The following PLA2R1 variants were observed in gnomAD, a reference collection of about 807,000 sequenced individuals.
PLA2R1 encodes secretory phospholipase A2 receptor.
In PLA2R1, 158 loss-of-function variants were observed where a neutral mutation model predicts 195.9. That is an observed-to-expected ratio of 0.81 (90% CI 0.71 to 0.92). The LOEUF is 0.92. Among genes scored for constraint, PLA2R1 ranks in the 40% least tolerant of loss-of-function variants. The pLI is 0.00. For missense variants in PLA2R1, 1,626 were observed against 1,764.6 expected (o/e 0.92, Z 1.41); for synonymous variants, 586 against 598.2 (o/e 0.98, Z 0.30).
chr2:159,948,304 A>G (rs1040730959), intron 25 of PLA2R1, among the ~76,000 whole-genome samples: 3 of 152,178 alleles, frequency 2.0e-5, no homozygotes, highest in African/African-American at 7.2e-5. Context: ...GCACAATCAC[A>G]GCTCACTGCA....
At chr2:159,995,984 ATCATCTATCTG>A (rs940809408) in intron 11 of PLA2R1, among the ~76,000 whole-genome samples, 1 of 152,046 alleles carries the variant, frequency 6.6e-6, no homozygotes, top group Non-Finnish European at 1.5e-5. Context: ...AAGCAAATCT[ATCATCTATCTG>A]TCATCTATCT....
chr2:159,997,024 T>C (rs1691258951), intron 11 of PLA2R1, among the ~76,000 whole-genome samples: 1 of 152,218 alleles, frequency 6.6e-6, no homozygotes, highest in African/African-American at 2.4e-5. Context: ...CTGTCATAGC[T>C]GACTGGCTCT....
intron 2 of PLA2R1, among the ~76,000 whole-genome samples, chr2:160,042,791 GTGTGTGTGCGT>G (rs1409889137): frequency 2.5e-5 from 2 of 81,036 alleles, no homozygotes; most frequent in East Asian, 1.4e-3. Context: ...AGAGTGGGGT[GTGTGTGTGCGT>G]GTGTGTGTGT....
At chr2:159,925,108 C>T in the PLA2R1 span, among the ~76,000 whole-genome samples, 5 of 152,194 alleles carry the variant, frequency 3.3e-5, no homozygotes, top group African/African-American at 1.2e-4. Flanking sequence ...TTCTCCATGT[C>T]AGCAATGAAT....
intron 20 of PLA2R1, 111 bp from the exon 21 acceptor site, chr2:159,956,738 G>T (rs3749113): frequency 3.0e-6 from 2 of 674,452 alleles, no homozygotes; most frequent in East Asian, 2.7e-5. Context: ...AATTTTCTTG[G>T]GCAGAAAGAA....
chr2:160,029,313 C>A (rs1327130429), intron 4 of PLA2R1, among the ~76,000 whole-genome samples: 1 of 152,150 alleles, frequency 6.6e-6, no homozygotes, highest in Non-Finnish European at 1.5e-5. Flanking sequence ...AAGAGGTGTG[C>A]AGGGTCAGTC....
Position 159,976,769 on chromosome 2 carries a change from AT to A in PLA2R1, c.2402-50del, listed in dbSNP as rs749142599. The A allele has an allele frequency of 7.6e-6, 11 of 1,446,894 alleles. No homozygotes were observed. In the South Asian group the frequency reaches 1.3e-4, roughly 17 times the overall value. 89.6% of individuals were successfully genotyped at this position (1,446,894 alleles called of 1,614,324 possible). A position where few individuals can be genotyped will look rare whatever the true frequency, so the allele number is the denominator to read the frequency against. On this transcript the variant is annotated intron_variant, in intron 15 of 29. Coordinates refer to ENST00000283243, the MANE Select transcript of PLA2R1 (RefSeq NM_007366.5). Reference sequence around the variant, plus strand: ...TTGACTGATCTTGCTTCTCAAGTGCATTGTCTGTGAATTACTTCAGCTCTAA... The same window carrying A: ...TTGACTGATCTTGCTTCTCAAGTGCATGTCTGTGAATTACTTCAGCTCTAA...
chr2:160,013,354 A>G lies in PLA2R1; in HGVS notation c.1573T>C (p.Phe525Leu). The G allele has an allele frequency of 6.2e-7, 1 of 1,605,156 alleles. No homozygotes were observed. The highest frequency in any genetic ancestry group is 1.3e-5 in the African/African-American group (1 of 74,884). Residue 525 changes from phenylalanine to leucine, a missense_variant, in exon 10 of 30, where the codon TTC (phenylalanine) becomes CTC (leucine). Transcript: ENST00000283243. ...CQEGWERHGG[F>L]CYKIDTVLRS... ...AGGACTGTGTCAATTTTGTAACAGAATCCACCATGTCTCTCCCATCCCTTA... is the reference window on the plus strand; with the variant it reads ...AGGACTGTGTCAATTTTGTAACAGAGTCCACCATGTCTCTCCCATCCCTTA...
In PLA2R1 at chr2:159,955,801, T is replaced by C; in HGVS notation, c.3050A>G (p.Gln1017Arg). 6.3e-7 allele frequency: 1 copy of C among 1,598,838 alleles called. No individual in the cohort carries two copies. The highest frequency in any genetic ancestry group is 8.5e-7 in the Non-Finnish European group (1 of 1,170,330). ...TAAACCTATCCACACACTGGTGGTC[T>C]GGCCAAAAAGATTCATAGTAATGAA... ...QAFITMNLFG[Q>R]TTSVWIGLQN... Residue 1017 changes from glutamine to arginine, a missense_variant, in exon 22 of 30, where the codon CAG becomes CGG. Coordinates refer to ENST00000283243, the MANE Select transcript of PLA2R1 (RefSeq NM_007366.5).
intron 11 of PLA2R1, among the ~76,000 whole-genome samples, chr2:159,993,670 A>G (rs1003756112): frequency 6.6e-6 from 1 of 152,048 alleles, no homozygotes; most frequent in Non-Finnish European, 1.5e-5. Flanking sequence ...CAAGGACACT[A>G]TCAAAGACTA....
chr2:160,027,498 T>C (rs1401400100), intron 6 of PLA2R1, among the ~76,000 whole-genome samples: 1 of 152,210 alleles, frequency 6.6e-6, no homozygotes, highest in Non-Finnish European at 1.5e-5. Flanking sequence ...GGCTTAGCTA[T>C]TTAAAGGAAA....
intron 11 of PLA2R1, among the ~76,000 whole-genome samples, chr2:159,991,987 G>A (rs1304480797): frequency 1.6e-5 from 2 of 124,172 alleles, no homozygotes; most frequent in African/African-American, 6.0e-5. Flanking sequence ...CCAGTAATGG[G>A]ATGGCTGGGT....
rs754616379 is a variant in PLA2R1, at chr2:159,939,994, A to C, written c.*1784T>G. 1 of 152,246 alleles carries C rather than the reference A, an allele frequency of 6.6e-6. No homozygotes were observed. Among genetic ancestry groups the C allele is most frequent in the Non-Finnish European group, 1.5e-5 (1 of 68,040 alleles). 9.4% of individuals were successfully genotyped at this position (152,246 alleles called of 1,614,324 possible). A position where few individuals can be genotyped will look rare whatever the true frequency, so the allele number is the denominator to read the frequency against. On this transcript the variant is annotated 3_prime_UTR_variant, in exon 30 of 30. Coordinates refer to ENST00000283243, the MANE Select transcript of PLA2R1 (RefSeq NM_007366.5). Reference sequence around the variant, plus strand: ...GGTAGACTGTCCCAGTGTGTAAATTATTATAACAGTAGCAAAGAGCTGCTT... The same window carrying C: ...GGTAGACTGTCCCAGTGTGTAAATTCTTATAACAGTAGCAAAGAGCTGCTT...
In PLA2R1 at chr2:160,062,445, C is replaced by T; in HGVS notation, c.-42G>A. The T allele has an allele frequency of 6.0e-6, 9 of 1,503,818 alleles. No homozygotes were observed. The highest frequency in any genetic ancestry group is 8.0e-6 in the Non-Finnish European group (9 of 1,127,916). 93.2% of individuals were successfully genotyped at this position (1,503,818 alleles called of 1,614,324 possible). ...CTCCGGGAGCCCCTTGTCCCGGGAG[C>T]CCCTTATCCCGGGAGCCCAGAGCCG... is the stretch of plus-strand genomic sequence containing the variant. On this transcript the variant is annotated 5_prime_UTR_variant, in exon 1 of 30. Coordinates refer to ENST00000283243, the MANE Select transcript of PLA2R1 (RefSeq NM_007366.5).
intron 8 of PLA2R1, among the ~76,000 whole-genome samples, chr2:160,018,370 C>T (rs949626519): frequency 2.6e-5 from 4 of 152,166 alleles, no homozygotes; most frequent in South Asian, 2.1e-4. Flanking sequence ...GGGCCAGGCG[C>T]GGTTGCCCAT....
At chr2:159,992,869 A>G (rs1371234399) in intron 11 of PLA2R1, among the ~76,000 whole-genome samples, 1 of 151,596 alleles carries the variant, frequency 6.6e-6, no homozygotes, top group Non-Finnish European at 1.5e-5. Flanking sequence ...TGGGTTGAAC[A>G]TGCCCCGGAG....
At chr2:159,943,235 G>A (rs1687189126) in intron 28 of PLA2R1, among the ~76,000 whole-genome samples, 1 of 152,016 alleles carries the variant, frequency 6.6e-6, no homozygotes, top group Non-Finnish European at 1.5e-5. Flanking sequence ...CTCCCAAAGT[G>A]CTGGGATTTA....
In PLA2R1 at chr2:160,042,122, A is replaced by G; in HGVS notation, c.570T>C (p.His190=). Residue 190 remains histidine, a synonymous_variant, in exon 3 of 30, where the codon CAT becomes CAC. Coordinates refer to ENST00000283243, the MANE Select transcript of PLA2R1 (RefSeq NM_007366.5). The stretch of plus-strand genomic sequence containing the variant: ...CTTCCCGACCTTCACGGGTACATTC[A>G]TGATGCCACTGATGGTTATACTGGA... ...FPFQYNHQWH[H]ECTREGREDD... The G allele has an allele frequency of 1.2e-6, 2 of 1,614,036 alleles. No individual in the cohort carries two copies. The highest frequency in any genetic ancestry group is 1.7e-6 in the Non-Finnish European group (2 of 1,179,858).
chr2:160,022,190 G>A (rs1279960293), intron 7 of PLA2R1, among the ~76,000 whole-genome samples: 1 of 152,180 alleles, frequency 6.6e-6, no homozygotes, highest in Non-Finnish European at 1.5e-5. Flanking sequence ...CAGGCTGTGC[G>A]GAAGCCAGGA....
Sources: gnomAD v4.1 joint callset for allele counts (sites outside exome capture counted in the v4.1 genomes callset) on GRCh38, gnomAD v4.1.1 for gene constraint, MANE v1.5 for transcripts, NCBI Gene and HGNC (gene_info 2026-07-23, HGNC 2026-07-21) for gene names.